Variants in CR1L observed in about 807,000 individuals in gnomAD.
CR1L encodes the protein complement component receptor 1-like protein.
CR1L carries 59 observed loss-of-function variants against 62.3 expected under a neutral mutation model. The observed-to-expected ratio is 0.95, with a 90% CI of 0.77 to 1.18. CR1L has a LOEUF of 1.18. CR1L is among the 50% of genes most tolerant of loss of function. The pLI, the probability that CR1L is intolerant of heterozygous loss-of-function variation, is 0.00. For synonymous variants in CR1L, 279 were observed against 248.7 expected (o/e 1.12, Z -1.15); for missense variants, 700 against 702.8 (o/e 1.00, Z 0.04).
chr1:207,650,018 G>C (rs368857428), intron 1 of CR1L, among the ~76,000 whole-genome samples: 78 of 152,268 alleles, frequency 5.1e-4, no homozygotes, highest in Middle Eastern at 3.4e-3. Context: ...GGGCGTGTGT[G>C]TGTATGTGTA....
In CR1L at chr1:207,682,960, T is replaced by TTTTCTTTCTTTC. The variant is rs141205339; in HGVS notation, c.378-892_378-881dup. Among the ~76,000 whole-genome samples, 689 of 140,192 alleles carry TTTTCTTTCTTTC rather than the reference T, an allele frequency of 4.9e-3. 7 individuals carry two copies. Among genetic ancestry groups the TTTTCTTTCTTTC allele is most frequent in the African/African-American group, 0.017 (651 of 38,526 alleles). 92.0% of individuals were successfully genotyped at this position (140,192 alleles called of 152,430 possible). A position where few individuals can be genotyped will look rare whatever the true frequency, so the allele number is the denominator to read the frequency against. On this transcript the variant is annotated intron_variant, in intron 3 of 11. Coordinates refer to ENST00000508064, the MANE Select transcript of CR1L (RefSeq NM_175710.2). ...TGCCTTTGGTTCTAGTTATAAATCATTTTCTTTCTTTCTTTCTTTCTTTCT... is the reference window on the plus strand; with the variant it reads ...TGCCTTTGGTTCTAGTTATAAATCATTTTCTTTCTTTCTTTCTTTCTTTCTTTCTTTCTTTCT...
intron 9 of CR1L, among the ~76,000 whole-genome samples, chr1:207,702,741 T>G (rs1664212622): frequency 6.6e-6 from 1 of 152,048 alleles, no homozygotes; most frequent in Admixed American, 6.6e-5. Flanking sequence ...AGGCCCTAAC[T>G]CTCTTCAATT....
At chr1:207,695,140 G>A (rs1664056457) in intron 5 of CR1L, among the ~76,000 whole-genome samples, 1 of 151,964 alleles carries the variant, frequency 6.6e-6, no homozygotes, top group African/African-American at 2.4e-5. Context: ...GTTTTGTTTT[G>A]CTTGAGACAG....
chr1:207,720,378 T>C (rs1412113552), intron 11 of CR1L, among the ~76,000 whole-genome samples: 1 of 152,194 alleles, frequency 6.6e-6, no homozygotes, highest in Non-Finnish European at 1.5e-5. Flanking sequence ...TTGGGATAGA[T>C]TGCTTAAGAT....
At chr1:207,677,715 C>G (rs539281770) in intron 2 of CR1L, 147 bp downstream of exon 2, 14 of 931,808 alleles carry the variant, frequency 1.5e-5, no homozygotes, top group Non-Finnish European at 2.0e-5. Flanking sequence ...TAGATCATAC[C>G]TTGTTACTGC....
chr1:207,715,737 C>T (rs752414681), intron 10 of CR1L, among the ~76,000 whole-genome samples: 1 of 151,670 alleles, frequency 6.6e-6, no homozygotes, highest in Non-Finnish European at 1.5e-5. Flanking sequence ...GAGACAGTTA[C>T]CCAGGACAGA....
At chr1:207,645,687 G>A (rs890065736) in intron 1 of CR1L, among the ~76,000 whole-genome samples, 5 of 152,220 alleles carry the variant, frequency 3.3e-5, no homozygotes, top group African/African-American at 9.6e-5. Context: ...AGGTGCGTGG[G>A]ATTGTTGCTA....
At chr1:207,699,669 C>A (rs1035842534) in intron 8 of CR1L, among the ~76,000 whole-genome samples, 1 of 152,012 alleles carries the variant, frequency 6.6e-6, no homozygotes, top group Non-Finnish European at 1.5e-5. Context: ...GTTCTCCAAT[C>A]AATGTGCAGT....
At chr1:207,662,234 C>T (rs1284695481) in intron 1 of CR1L, among the ~76,000 whole-genome samples, 1 of 152,198 alleles carries the variant, frequency 6.6e-6, no homozygotes, top group Non-Finnish European at 1.5e-5. Flanking sequence ...TAATATCCTG[C>T]AGAGTGTTTT....
chr1:207,718,382 A>C (rs1231392873), intron 11 of CR1L, among the ~76,000 whole-genome samples: 1 of 152,202 alleles, frequency 6.6e-6, no homozygotes, highest in African/African-American at 2.4e-5. Context: ...TCCATCCTCC[A>C]GTAAGGACAG....
At chr1:207,677,907 G>A (rs546030580) in intron 2 of CR1L, among the ~76,000 whole-genome samples, 1 of 152,310 alleles carries the variant, frequency 6.6e-6, no homozygotes, top group South Asian at 2.1e-4. Flanking sequence ...GACAATCTTG[G>A]GCCTTGAGAT....
At chr1:207,706,801 G>A (rs1664274286) in intron 9 of CR1L, among the ~76,000 whole-genome samples, 1 of 152,046 alleles carries the variant, frequency 6.6e-6, no homozygotes, top group South Asian at 2.1e-4. Flanking sequence ...AAAGGAGAAT[G>A]ATGAATTCCT....
At chr1:207,709,703 C>T (rs907840380) in intron 10 of CR1L, among the ~76,000 whole-genome samples, 4 of 151,222 alleles carry the variant, frequency 2.6e-5, no homozygotes, top group Non-Finnish European at 5.9e-5. Flanking sequence ...TGAGCATGGT[C>T]GTGCATGTCT....
chr1:207,654,995 C>T (rs553126672), intron 1 of CR1L, among the ~76,000 whole-genome samples: 4 of 152,272 alleles, frequency 2.6e-5, no homozygotes, highest in Admixed American at 6.5e-5. Flanking sequence ...GGCCAATATA[C>T]GTTCAAATAG....
Position 207,697,537 on chromosome 1 carries a change from G to A in CR1L, c.897G>A (p.Glu299=), listed in dbSNP as rs781032611. 1.2e-6 allele frequency: 2 copies of A among 1,613,772 alleles called. No homozygotes were observed. Among genetic ancestry groups the A allele is most frequent in the Non-Finnish European group, 1.7e-6 (2 of 1,179,732 alleles). Residue 299 remains glutamate (E), a synonymous_variant, in exon 6 of 12, where the codon GAG becomes GAA. Coordinates refer to ENST00000508064, the MANE Select transcript of CR1L (RefSeq NM_175710.2). ...CQPPPDVLHA[E]RTQRDKDNFS... is the part of the protein sequence containing the mutation. ...CACCTCCAGATGTCCTGCATGCTGA[G>A]CGTACCCAAAGGGACAAGGACAACT... is the stretch of plus-strand genomic sequence containing the variant.
At chr1:207,672,295 C>A (rs1162149321) in intron 1 of CR1L, among the ~76,000 whole-genome samples, 1 of 150,378 alleles carries the variant, frequency 6.6e-6, no homozygotes, top group Non-Finnish European at 1.5e-5. Flanking sequence ...AGAGGGTCAT[C>A]ATATAATGAT....
chr1:207,651,730 A>G (rs1242869704), intron 1 of CR1L, among the ~76,000 whole-genome samples: 2 of 152,218 alleles, frequency 1.3e-5, no homozygotes, highest in Non-Finnish European at 2.9e-5. Context: ...TTATTATAGG[A>G]CATGCTGGAT....
Position 207,697,588 on chromosome 1 carries a change from C to G in CR1L, c.948C>G (p.Tyr316Ter), listed in dbSNP as rs377534555. 13 of 1,613,908 alleles carry G rather than the reference C, an allele frequency of 8.1e-6. No homozygotes were observed. The East Asian group carries it at 2.2e-4, about 28-fold the overall frequency. The change falls in exon 6 of 12, where the codon TAC becomes TAG. Residue 316 changes from tyrosine (Y) to a stop codon, truncating the protein, a stop_gained. Coordinates refer to ENST00000508064, the MANE Select transcript of CR1L (RefSeq NM_175710.2). LOFTEE classifies it high-confidence loss of function. ...DNFSPGQEVF[Y>*]SCEPGYDLRG... ...TTTCACCCGGGCAGGAAGTGTTCTACAGCTGTGAGCCCGGCTACGACCTCA... is the reference window on the plus strand; with the variant it reads ...TTTCACCCGGGCAGGAAGTGTTCTAGAGCTGTGAGCCCGGCTACGACCTCA...
At chr1:207,712,275 T>C (rs1373303337) in intron 10 of CR1L, among the ~76,000 whole-genome samples, 2 of 152,242 alleles carry the variant, frequency 1.3e-5, no homozygotes, top group East Asian at 3.8e-4. Flanking sequence ...ATAATGATGG[T>C]ACAAATACCT....
Sources: gnomAD v4.1 joint callset for allele counts (sites outside exome capture counted in the v4.1 genomes callset) on GRCh38, gnomAD v4.1.1 for gene constraint, MANE v1.5 for transcripts, NCBI Gene and HGNC (gene_info 2026-07-23, HGNC 2026-07-21) for gene names.